The following GLP2R variants were observed in gnomAD, a reference collection of about 807,000 sequenced individuals.
The protein encoded by GLP2R is glucagon-like peptide 2 receptor.
Under a neutral mutation model 68.2 loss-of-function variants are expected in GLP2R, and 59 were observed. The ratio of observed to expected loss-of-function variants is 0.87; its 90% confidence interval spans 0.70 to 1.07. The LOEUF (loss-of-function observed/expected upper bound fraction) is 1.07. Ranked by LOEUF, GLP2R falls within the 50% of genes least tolerant of loss-of-function variation. GLP2R has a pLI of 0.00. For synonymous variants in GLP2R, 270 were observed against 265.4 expected (o/e 1.02, Z -0.17); for missense variants, 548 against 677.4 (o/e 0.81, Z 2.12).
intron 9 of GLP2R, chr17:9,866,282 A>G (rs1186339766): frequency 1.1e-5 from 2 of 186,366 alleles, no homozygotes; most frequent in African/African-American, 4.7e-5. Flanking sequence ...GTGGTTTTCA[A>G]CCAGAGGAGA....
chr17:9,829,899 T>A (rs183708228), intron 1 of GLP2R, among the ~76,000 whole-genome samples: 10 of 152,384 alleles, frequency 6.6e-5, no homozygotes, highest in Non-Finnish European at 1.3e-4. Context: ...AGAGTCAGTA[T>A]AAGGATTTTT....
intron 12 of GLP2R, among the ~76,000 whole-genome samples, chr17:9,888,744 G>A (rs1230247908): frequency 6.6e-6 from 1 of 152,220 alleles, no homozygotes. Flanking sequence ...TGGGATTACA[G>A]GCATGAACCA....
chr17:9,866,100 C>G (rs537821557), intron 9 of GLP2R: 1 of 337,760 alleles, frequency 3.0e-6, no homozygotes, highest in East Asian at 7.7e-5. Flanking sequence ...TTTATGTGTC[C>G]CACCAGACAT....
At position 9,838,356 on chromosome 17, in the gene GLP2R, G is replaced by A. The variant is rs113600520; in HGVS notation, c.382+1881G>A. ...GGAGTCAATGAGAAGGCACTCACAGGGTGCGTCGCACAGCTGCCGCTTGGT... is the reference window on the plus strand; with the variant it reads ...GGAGTCAATGAGAAGGCACTCACAGAGTGCGTCGCACAGCTGCCGCTTGGT... On this transcript the variant is annotated intron_variant, in intron 3 of 12. Coordinates refer to ENST00000262441, the MANE Select transcript of GLP2R (RefSeq NM_004246.3). Among the ~76,000 whole-genome samples the A allele has an allele frequency of 1.6e-4, 24 of 152,286 alleles. 1 individual carries two copies. The highest frequency in any genetic ancestry group is 5.8e-4 in the African/African-American group (24 of 41,550).
Position 9,842,531 on chromosome 17 carries a change from A to G in GLP2R, c.419A>G (p.Gln140Arg). ...AGGGCCTACAGACACTGCTTGGCTC[A>G]GGGGACTTGGCAGACGATAGAGAAC... ...SGRAYRHCLAQGTWQTIENAT... is the reference protein window; with the variant it reads ...SGRAYRHCLARGTWQTIENAT... Residue 140 changes from glutamine (Q) to arginine (R), a missense_variant, in exon 4 of 13, where the codon CAG becomes CGG. Coordinates refer to ENST00000262441, the MANE Select transcript of GLP2R (RefSeq NM_004246.3). The G allele has an allele frequency of 6.2e-7, 1 of 1,614,132 alleles. No homozygotes were observed.
At position 9,829,294 on chromosome 17, in the gene GLP2R, G is replaced by A. The variant is rs2066659756; in HGVS notation, c.189+3042G>A. ...GCCCTTTTATACATGGATGGCAGGA[G>A]GGTAAAATGGTGCATATTTAAAATT... On this transcript the variant is annotated intron_variant, in intron 1 of 12. Coordinates refer to ENST00000262441, the MANE Select transcript of GLP2R (RefSeq NM_004246.3). Among the ~76,000 whole-genome samples the A allele has an allele frequency of 2.0e-5, 3 of 151,992 alleles. No individual in the cohort carries two copies. The South Asian group carries it at 6.2e-4, about 32-fold the overall frequency.
intron 4 of GLP2R, among the ~76,000 whole-genome samples, chr17:9,850,493 G>C (rs1406440312): frequency 6.6e-6 from 1 of 152,094 alleles, no homozygotes; most frequent in Non-Finnish European, 1.5e-5. Context: ...AATGTGCCTT[G>C]GAAGTCACCT....
intron 11 of GLP2R, among the ~76,000 whole-genome samples, chr17:9,881,966 G>C (rs7222664): frequency 0.32 from 47,700 of 150,142 alleles, 8,320 homozygotes; most frequent in African/African-American, 0.44. Context: ...ATCTACAAAA[G>C]CTCTCCCCAA....
At chr17:9,833,976 A>C in intron 2 of GLP2R, 82 bp downstream of exon 2, 1 of 843,514 alleles carries the variant, frequency 1.2e-6, no homozygotes, top group Non-Finnish European at 2.0e-6. Context: ...CTAGTCACTT[A>C]TTACTTCTCA....
At chr17:9,867,927 T>A (rs2067055013) in intron 9 of GLP2R, among the ~76,000 whole-genome samples, 1 of 152,202 alleles carries the variant, frequency 6.6e-6, no homozygotes, top group African/African-American at 2.4e-5. Context: ...AGGGGCTTTC[T>A]GTGGCTTCAG....
intron 4 of GLP2R, among the ~76,000 whole-genome samples, chr17:9,846,321 AATGTTTGTTAGAGGC>A (rs1317476582): frequency 6.6e-6 from 1 of 152,246 alleles, no homozygotes; most frequent in African/African-American, 2.4e-5. Context: ...CATAAAGTTT[AATGTTTGTTAGAGGC>A]CAGCTGCAGT....
At chr17:9,871,721 C>CT (rs372099240) in intron 10 of GLP2R, among the ~76,000 whole-genome samples, 24,227 of 102,130 alleles carry the variant, frequency 0.24, 3,442 homozygotes, top group Non-Finnish European at 0.33. Context: ...TACTTTCTTT[C>CT]TTTTTTTTTT....
At chr17:9,830,518 A>C (rs1396998737) in intron 1 of GLP2R, among the ~76,000 whole-genome samples, 2 of 152,258 alleles carry the variant, frequency 1.3e-5, no homozygotes, top group Admixed American at 6.5e-5. Flanking sequence ...TAGAGATTCC[A>C]AACTCATAGG....
At chr17:9,871,871 C>T (rs2067097610) in intron 10 of GLP2R, among the ~76,000 whole-genome samples, 1 of 151,838 alleles carries the variant, frequency 6.6e-6, no homozygotes, top group Non-Finnish European at 1.5e-5. Flanking sequence ...ATTACAGGCA[C>T]CTGCCACCAC....
chr17:9,888,373 C>T (rs1463149803), intron 12 of GLP2R, among the ~76,000 whole-genome samples: 2 of 152,218 alleles, frequency 1.3e-5, no homozygotes, highest in African/African-American at 4.8e-5. Context: ...ATGGGAGCAA[C>T]AATCATCCCT....
rs184591973 is a variant in GLP2R at position 9,836,122 on chromosome 17, G to A, written c.278-249G>A. On this transcript the variant is annotated intron_variant, in intron 2 of 12. Coordinates refer to ENST00000262441, the MANE Select transcript of GLP2R (RefSeq NM_004246.3). ...AAATCAGCATGATGTGTACATTGACGTAATTGACCGGAGGTCAAGTTGGGC... is the reference window on the plus strand; with the variant it reads ...AAATCAGCATGATGTGTACATTGACATAATTGACCGGAGGTCAAGTTGGGC... 9.9e-4 allele frequency among the ~76,000 whole-genome samples: 151 copies of A among 151,998 alleles called. 1 individual carries two copies. The highest frequency in any genetic ancestry group is 2.7e-3 in the Admixed American group (42 of 15,280).
At chr17:9,867,441 C>T (rs1303032855) in intron 9 of GLP2R, among the ~76,000 whole-genome samples, 1 of 152,202 alleles carries the variant, frequency 6.6e-6, no homozygotes, top group Non-Finnish European at 1.5e-5. Context: ...ATGTGGCAAC[C>T]TGAAGAATCC....
intron 6 of GLP2R, among the ~76,000 whole-genome samples, chr17:9,858,364 C>A (rs1209578052): frequency 6.6e-6 from 1 of 152,208 alleles, no homozygotes; most frequent in Non-Finnish European, 1.5e-5. Flanking sequence ...ATATTATTTT[C>A]TTTCTCCTAA....
At chr17:9,876,259 C>T (rs1481581569) in intron 10 of GLP2R, among the ~76,000 whole-genome samples, 1 of 152,182 alleles carries the variant, frequency 6.6e-6, no homozygotes, top group Non-Finnish European at 1.5e-5. Context: ...AAAAGCTTTT[C>T]CTTAACCCTC....
Sources: allele counts gnomAD v4.1 joint callset (sites outside exome capture counted in the v4.1 genomes callset), GRCh38; gene constraint gnomAD v4.1.1; transcripts MANE v1.5; gene names NCBI Gene and HGNC (gene_info 2026-07-23, HGNC 2026-07-21).